FBN1: variants seen among roughly 807,000 people sequenced by gnomAD.
FBN1 encodes the protein fibrillin 1, also known as fibrillin-1.
Under a neutral mutation model 365.1 loss-of-function variants are expected in FBN1, and 29 were observed. The ratio of observed to expected loss-of-function variants is 0.08; its 90% CI spans 0.06 to 0.11. The LOEUF (loss-of-function observed/expected upper bound fraction) is 0.11. Ranked by LOEUF, FBN1 falls within the 10% of genes least tolerant of loss-of-function variation. FBN1 has a pLI of 1.00. For missense variants in FBN1, 2,476 were observed against 3,703.2 expected (o/e 0.67, Z 8.60); for synonymous variants, 1,210 against 1,270.5 (o/e 0.95, Z 1.01).
chr15:48,488,931 G>T (rs2043532459), intron 25 of FBN1, among the ~76,000 whole-genome samples: 4 of 151,904 alleles, frequency 2.6e-5, no homozygotes, highest in Non-Finnish European at 1.5e-5. Flanking sequence ...TGCTTTTTTG[G>T]ATATGCCAAA....
At chr15:48,607,783 C>A (rs1232273415) in intron 4 of FBN1, among the ~76,000 whole-genome samples, 1 of 152,166 alleles carries the variant, frequency 6.6e-6, no homozygotes, top group African/African-American at 2.4e-5. Flanking sequence ...CCCAGTGTTA[C>A]AAGCTAATAT....
At chr15:48,473,803 T>C (rs763146796) in intron 34 of FBN1, among the ~76,000 whole-genome samples, 7 of 146,972 alleles carry the variant, frequency 4.8e-5, no homozygotes, top group African/African-American at 7.8e-5. Flanking sequence ...TGGTGAGAAA[T>C]AGGCAAAAAA....
intron 63 of FBN1, among the ~76,000 whole-genome samples, chr15:48,418,724 C>G (rs542443901): frequency 6.6e-6 from 1 of 152,220 alleles, no homozygotes; most frequent in African/African-American, 2.4e-5. Flanking sequence ...AGAGACAATT[C>G]GAATTTTACC....
intron 9 of FBN1, 81 bp downstream of exon 9, chr15:48,526,049 C>A (rs1055168222): frequency 1.1e-4 from 177 of 1,554,386 alleles, no homozygotes; most frequent in Non-Finnish European, 1.5e-4. Context: ...TATATGTGCT[C>A]CTTAACAAGC....
intron 4 of FBN1, among the ~76,000 whole-genome samples, chr15:48,605,873 TA>T (rs576478500): frequency 6.7e-4 from 102 of 152,152 alleles, no homozygotes; most frequent in Non-Finnish European, 1.2e-3. Context: ...AGACCCCGTC[TA>T]AAAAAATTAT....
chr15:48,587,240 GTGTTC>G (rs552251584), intron 6 of FBN1, among the ~76,000 whole-genome samples: 134 of 152,270 alleles, frequency 8.8e-4, no homozygotes, highest in African/African-American at 3.1e-3. Context: ...TAAACATTAA[GTGTTC>G]TGAAGTACTC....
chr15:48,426,902 T>C (rs2042983214), intron 58 of FBN1, among the ~76,000 whole-genome samples: 1 of 152,166 alleles, frequency 6.6e-6, no homozygotes, highest in South Asian at 2.1e-4. Flanking sequence ...CAAACACAAA[T>C]CCTTCTTAAC....
chr15:48,573,319 A>G (rs1200764619), intron 6 of FBN1, among the ~76,000 whole-genome samples: 1 of 152,190 alleles, frequency 6.6e-6, no homozygotes, highest in Non-Finnish European at 1.5e-5. Context: ...TCTATAACTC[A>G]TATCATGATG....
At chr15:48,599,234 A>G (rs1175889133) in intron 5 of FBN1, among the ~76,000 whole-genome samples, 1 of 152,206 alleles carries the variant, frequency 6.6e-6, no homozygotes, top group Non-Finnish European at 1.5e-5. Context: ...AGCAAAAATT[A>G]GAAACGCCCT....
rs114317141 is a variant in FBN1, at chr15:48,600,050, C to T, written c.442+89G>A. 1,198 of 951,812 alleles carry T rather than the reference C, an allele frequency of 1.3e-3. 6 individuals are homozygous for T. The African/African-American group carries it at 0.017, about 14-fold the overall frequency. 59.0% of individuals were successfully genotyped at this position (951,812 alleles called of 1,614,324 possible). A position where few individuals can be genotyped will look rare whatever the true frequency, so the allele number is the denominator to read the frequency against. The stretch of plus-strand genomic sequence containing the variant: ...GTAAACATGCTGTGTCCCAGGTAAT[C>T]GAAGAAAATCCATCAGCACTTATCT... On this transcript the variant is annotated intron_variant, in intron 5 of 65. Coordinates refer to ENST00000316623, the MANE Select transcript of FBN1 (RefSeq NM_000138.5).
chr15:48,457,954 G>C (rs1160603652), intron 43 of FBN1, among the ~76,000 whole-genome samples: 1 of 152,104 alleles, frequency 6.6e-6, no homozygotes, highest in Non-Finnish European at 1.5e-5. Context: ...TCGTATTATG[G>C]TGATTTCCTG....
intron 14 of FBN1, among the ~76,000 whole-genome samples, chr15:48,509,128 T>C (rs59450864): frequency 0.016 from 2,451 of 152,318 alleles, 63 homozygotes; most frequent in African/African-American, 0.052. Context: ...GAAATGTATT[T>C]AGGCTACATC....
At chr15:48,625,304 A>G (rs1195629417) in intron 2 of FBN1, among the ~76,000 whole-genome samples, 1 of 152,184 alleles carries the variant, frequency 6.6e-6, no homozygotes. Context: ...TGGGAACCTG[A>G]CCACAACTTA....
chr15:48,553,213 T>C (rs968818615), intron 6 of FBN1, among the ~76,000 whole-genome samples: 3 of 152,190 alleles, frequency 2.0e-5, no homozygotes, highest in African/African-American at 7.2e-5. Context: ...ATATGCCCTA[T>C]ATACTACCGT....
chr15:48,546,010 A>AAAAG (rs777675180), intron 6 of FBN1, among the ~76,000 whole-genome samples: 18 of 152,108 alleles, frequency 1.2e-4, no homozygotes, highest in African/African-American at 3.1e-4. Flanking sequence ...CCTGTATCAA[A>AAAAG]AAAGAAAGAA....
At chr15:48,564,574 TTTAA>T (rs2044246490) in intron 6 of FBN1, among the ~76,000 whole-genome samples, 1 of 152,120 alleles carries the variant, frequency 6.6e-6, no homozygotes, top group South Asian at 2.1e-4. Context: ...ATAAAATTAA[TTTAA>T]TTAATTAAAA....
At chr15:48,492,937 G>C (rs957398048) in intron 23 of FBN1, among the ~76,000 whole-genome samples, 1 of 152,200 alleles carries the variant, frequency 6.6e-6, no homozygotes, top group Non-Finnish European at 1.5e-5. Flanking sequence ...CTGGAAATGA[G>C]TAGAGAAGCA....
intron 6 of FBN1, among the ~76,000 whole-genome samples, chr15:48,572,819 T>G (rs1372206252): frequency 1.3e-5 from 2 of 152,186 alleles, no homozygotes; most frequent in Admixed American, 1.3e-4. Flanking sequence ...CATTTAAAAT[T>G]CATGAAATGT....
intron 18 of FBN1, among the ~76,000 whole-genome samples, chr15:48,497,945 C>T (rs971838913): frequency 6.6e-6 from 1 of 152,244 alleles, no homozygotes; most frequent in African/African-American, 2.4e-5. Flanking sequence ...GCCCTCTTCA[C>T]TCTGTGTCAG....
Sources: allele counts gnomAD v4.1 joint callset (sites outside exome capture counted in the v4.1 genomes callset), GRCh38; gene constraint gnomAD v4.1.1; transcripts MANE v1.5; gene names NCBI Gene and HGNC (gene_info 2026-07-23, HGNC 2026-07-21).